STK39: variants seen among roughly 807,000 people sequenced by gnomAD.
STK39 encodes STE20/SPS1-related proline-alanine-rich protein kinase.
A neutral mutation model predicts 77.8 loss-of-function variants in STK39; 20 were observed. That is an observed-to-expected ratio of 0.26 (90% confidence interval 0.18 to 0.37). STK39 has a LOEUF of 0.37. Among genes scored for constraint, STK39 ranks in the 10% least tolerant of loss-of-function variants. The pLI, the probability that STK39 is intolerant of heterozygous loss-of-function variation, is 1.00. For synonymous variants in STK39, 246 were observed against 234.1 expected (o/e 1.05, Z -0.47); for missense variants, 479 against 656.5 (o/e 0.73, Z 2.95).
chr2:168,188,279 A>C lies in STK39; in HGVS notation c.209-6189T>G, dbSNP rs1023584070. On this transcript the variant is annotated intron_variant, in intron 1 of 17. Transcript: ENST00000355999. Reference sequence around the variant, plus strand: ...GGAGAGGACTTGGATGAATGGACACACATGTGAGCTCTACAGGAGTACAAG... The same window carrying C: ...GGAGAGGACTTGGATGAATGGACACCCATGTGAGCTCTACAGGAGTACAAG... 7.2e-5 allele frequency among the ~76,000 whole-genome samples: 11 copies of C among 152,214 alleles called. No individual in the cohort carries two copies. The South Asian group carries it at 2.1e-3, about 29-fold the overall frequency.
At chr2:168,136,041 G>C (rs1487883170) in intron 8 of STK39, among the ~76,000 whole-genome samples, 4 of 149,146 alleles carry the variant, frequency 2.7e-5, no homozygotes, top group Non-Finnish European at 3.0e-5. Context: ...CTCATATAAT[G>C]AATAAAATCC....
At chr2:168,168,658 T>C (rs908422876) in intron 2 of STK39, among the ~76,000 whole-genome samples, 5 of 152,200 alleles carry the variant, frequency 3.3e-5, no homozygotes, top group Admixed American at 2.0e-4. Flanking sequence ...AATTCTGTAA[T>C]ATGTAACACT....
At chr2:168,214,143 C>T (rs2105703713) in intron 1 of STK39, among the ~76,000 whole-genome samples, 1 of 152,190 alleles carries the variant, frequency 6.6e-6, no homozygotes, top group East Asian at 1.9e-4. Flanking sequence ...AGGCAAGTCA[C>T]TCGGCATCCC....
chr2:168,219,221 G>T (rs56088988), intron 1 of STK39, among the ~76,000 whole-genome samples: 12,532 of 151,970 alleles, frequency 0.082, 894 homozygotes, highest in East Asian at 0.2. Context: ...AGGAGGTGGA[G>T]GTTGCAGTGA....
At chr2:168,072,850 T>C (rs929416006) in intron 12 of STK39, among the ~76,000 whole-genome samples, 4 of 152,160 alleles carry the variant, frequency 2.6e-5, no homozygotes, top group Non-Finnish European at 4.4e-5. Context: ...GATAATCAAA[T>C]GTCAAGGCTG....
intron 14 of STK39, among the ~76,000 whole-genome samples, chr2:168,030,056 C>T (rs1276074930): frequency 6.6e-6 from 1 of 151,902 alleles, no homozygotes; most frequent in African/African-American, 2.4e-5. Context: ...CTGGCTAACA[C>T]GGTGAAACCC....
chr2:168,069,943 T>C (rs1225485506), intron 12 of STK39, among the ~76,000 whole-genome samples: 2 of 152,220 alleles, frequency 1.3e-5, no homozygotes, highest in Admixed American at 6.5e-5. Flanking sequence ...AATGAAACTA[T>C]AAATTTAAAG....
At chr2:168,020,815 C>T (rs1684551725) in intron 14 of STK39, among the ~76,000 whole-genome samples, 1 of 151,982 alleles carries the variant, frequency 6.6e-6, no homozygotes, top group Non-Finnish European at 1.5e-5. Flanking sequence ...AGAGTGAAGG[C>T]CAATAATTCC....
chr2:168,008,208 G>A (rs146045753), intron 16 of STK39, among the ~76,000 whole-genome samples: 2 of 152,176 alleles, frequency 1.3e-5, no homozygotes, highest in East Asian at 3.9e-4. Context: ...AGGCTGAAGG[G>A]AGGCAAGTAC....
chr2:168,172,095 A>G (rs1688844280), intron 2 of STK39, among the ~76,000 whole-genome samples: 1 of 152,138 alleles, frequency 6.6e-6, no homozygotes, highest in Non-Finnish European at 1.5e-5. Flanking sequence ...TACTATCTAC[A>G]TGAGATTATT....
At chr2:168,083,235 T>G (rs1209070255) in intron 10 of STK39, among the ~76,000 whole-genome samples, 2 of 152,058 alleles carry the variant, frequency 1.3e-5, no homozygotes, top group African/African-American at 2.4e-5. Flanking sequence ...CTCCTTTTTT[T>G]TTTTTTTTTT....
chr2:168,245,497 C>A (rs994496052), intron 1 of STK39, among the ~76,000 whole-genome samples: 1 of 152,162 alleles, frequency 6.6e-6, no homozygotes, highest in Non-Finnish European at 1.5e-5. Context: ...GCAGAAGAAA[C>A]CACGGCATTT....
At chr2:168,108,268 C>A (rs1687031039) in intron 10 of STK39, among the ~76,000 whole-genome samples, 1 of 152,110 alleles carries the variant, frequency 6.6e-6, no homozygotes, top group Non-Finnish European at 1.5e-5. Context: ...AGGCAAGAAA[C>A]AACATAGGCT....
chr2:168,044,508 C>A (rs1685188983), intron 14 of STK39, among the ~76,000 whole-genome samples: 1 of 152,026 alleles, frequency 6.6e-6, no homozygotes, highest in South Asian at 2.1e-4. Flanking sequence ...AAATATGACC[C>A]AAAGACTGTT....
intron 16 of STK39, among the ~76,000 whole-genome samples, chr2:167,995,558 A>C (rs1683816193): frequency 6.6e-6 from 1 of 152,204 alleles, no homozygotes; most frequent in African/African-American, 2.4e-5. Context: ...TTTATACCTA[A>C]GAATGTGAGC....
At chr2:168,057,356 C>T (rs1685551490) in intron 14 of STK39, among the ~76,000 whole-genome samples, 1 of 152,124 alleles carries the variant, frequency 6.6e-6, no homozygotes, top group South Asian at 2.1e-4. Context: ...CCACACTCAG[C>T]TAATTTTTGT....
At chr2:168,116,872 G>A (rs2105480588) in intron 10 of STK39, among the ~76,000 whole-genome samples, 1 of 152,280 alleles carries the variant, frequency 6.6e-6, no homozygotes, top group South Asian at 2.1e-4. Flanking sequence ...TCTCCTAAGT[G>A]AGGAAATAAG....
At chr2:168,240,669 A>T (rs1289175122) in intron 1 of STK39, among the ~76,000 whole-genome samples, 1 of 152,232 alleles carries the variant, frequency 6.6e-6, no homozygotes, top group Non-Finnish European at 1.5e-5. Flanking sequence ...CAGGGTGGAG[A>T]GACAATGAGT....
At chr2:167,992,324 C>T (rs977023469) in intron 16 of STK39, among the ~76,000 whole-genome samples, 1 of 151,878 alleles carries the variant, frequency 6.6e-6, no homozygotes. Flanking sequence ...CCCAACCTGC[C>T]CCCCAACAAC....
Sources: gnomAD v4.1 joint callset for allele counts (sites outside exome capture counted in the v4.1 genomes callset) on GRCh38, gnomAD v4.1.1 for gene constraint, MANE v1.5 for transcripts, NCBI Gene and HGNC (gene_info 2026-07-23, HGNC 2026-07-21) for gene names.